The following OSBPL3 variants were observed in gnomAD, a reference collection of about 807,000 sequenced individuals.
OSBPL3 encodes the protein oxysterol binding protein like 3.
OSBPL3 carries 65 observed loss-of-function variants against 120.1 expected under a neutral mutation model. The ratio of observed to expected loss-of-function variants is 0.54; its 90% CI spans 0.44 to 0.67. OSBPL3 has a LOEUF of 0.67. OSBPL3 is among the 30% of genes least tolerant of loss of function. The pLI is 0.00. For missense variants in OSBPL3, 1,004 were observed against 1,082.1 expected (o/e 0.93, Z 1.01); for synonymous variants, 416 against 402.6 (o/e 1.03, Z -0.40).
chr7:24,811,521 C>G (rs956488703), intron 19 of OSBPL3, among the ~76,000 whole-genome samples: 3 of 152,102 alleles, frequency 2.0e-5, no homozygotes, highest in Non-Finnish European at 4.4e-5. Context: ...TCCCATTTGT[C>G]TATGTTTGCT....
rs140588109 is a variant in OSBPL3 at position 24,922,417 on chromosome 7, T to C, written c.-149-29796A>G. ...ACAATTCCCTCTCAGGGGAATTGTA[T>C]GGCTGAGTGACCAGCGTGGGAGGGA... is the stretch of plus-strand genomic sequence containing the variant. On this transcript the variant is annotated intron_variant, in intron 1 of 22. Transcript: ENST00000313367. The surrounding 1 kb of genome is among the most constrained non-coding windows in gnomAD (Gnocchi z 4.3). Among the ~76,000 whole-genome samples the C allele has an allele frequency of 8.7e-4, 133 of 152,244 alleles. 1 individual carries two copies. Among genetic ancestry groups the C allele is most frequent in the African/African-American group, 2.9e-3 (121 of 41,544 alleles).
chr7:24,850,004 A>T (rs1402819285), intron 11 of OSBPL3, among the ~76,000 whole-genome samples: 1 of 152,038 alleles, frequency 6.6e-6, no homozygotes, highest in Non-Finnish European at 1.5e-5. Context: ...GGACTTTGTG[A>T]AAGATTAATT....
chr7:24,814,393 C>T (rs1391900934), intron 19 of OSBPL3, among the ~76,000 whole-genome samples: 1 of 151,602 alleles, frequency 6.6e-6, no homozygotes, highest in Non-Finnish European at 1.5e-5. Context: ...AGGATGCAGG[C>T]TTCAACTCTG....
rs1280615046 is a variant in OSBPL3, at chr7:24,833,289, G to A, written c.1746+1197C>T. On this transcript the variant is annotated intron_variant, in intron 15 of 22. Coordinates refer to ENST00000313367, the MANE Select transcript of OSBPL3 (RefSeq NM_015550.4). This position sits in a 1 kb window ranked among gnomAD's most constrained non-coding sequence, Gnocchi z 4.4. ...AGGCCAGGGCAGGAGGGTTGCTTGA[G>A]TCTAGGAGTTCGAGGTTGCAGTGAG... is the stretch of plus-strand genomic sequence containing the variant. 1.3e-5 allele frequency among the ~76,000 whole-genome samples: 2 copies of A among 152,094 alleles called. No homozygotes were observed. Among genetic ancestry groups the A allele is most frequent in the Non-Finnish European group, 2.9e-5 (2 of 67,990 alleles).
At chr7:24,957,926 C>A (rs539008097) in intron 1 of OSBPL3, among the ~76,000 whole-genome samples, 2 of 152,168 alleles carry the variant, frequency 1.3e-5, no homozygotes, top group African/African-American at 4.8e-5. Flanking sequence ...TTCCATTTAA[C>A]AATAAATTTT....
chr7:24,811,845 C>A (rs1793839848), intron 19 of OSBPL3, among the ~76,000 whole-genome samples: 1 of 152,150 alleles, frequency 6.6e-6, no homozygotes, highest in South Asian at 2.1e-4. Context: ...CTATTCTGTT[C>A]CATTGGTCTA....
At position 24,946,371 on chromosome 7, in the gene OSBPL3, G is replaced by C. The variant is rs745523381; in HGVS notation, c.-150+33515C>G. Among the ~76,000 whole-genome samples, 6 of 152,072 alleles carry C rather than the reference G, an allele frequency of 3.9e-5. No individual in the cohort carries two copies. Among genetic ancestry groups the C allele is most frequent in the Non-Finnish European group, 8.8e-5 (6 of 68,012 alleles). ...GGTTGGAGCAGACACAAACCAACTCGTATTTAAGAGAAGGGTACACAGACC... is the reference window on the plus strand; with the variant it reads ...GGTTGGAGCAGACACAAACCAACTCCTATTTAAGAGAAGGGTACACAGACC... On this transcript the variant is annotated intron_variant, in intron 1 of 22. Coordinates refer to ENST00000313367, the MANE Select transcript of OSBPL3 (RefSeq NM_015550.4). The surrounding 1 kb of genome is among the most constrained non-coding windows in gnomAD (Gnocchi z 4.3).
At chr7:24,979,706 C>T (rs1251017506) in intron 1 of OSBPL3, among the ~76,000 whole-genome samples, 180 bp downstream of exon 1, 5 of 152,176 alleles carry the variant, frequency 3.3e-5, no homozygotes, top group Admixed American at 1.3e-4. Flanking sequence ...GAGCTGCAGC[C>T]GGCACCCAAG....
chr7:24,904,160 G>A (rs1356490037), intron 1 of OSBPL3, among the ~76,000 whole-genome samples: 1 of 152,264 alleles, frequency 6.6e-6, no homozygotes, highest in South Asian at 2.1e-4. Flanking sequence ...TGGGATTACA[G>A]GTGTGAGTCA....
At chr7:24,892,751 G>C in intron 1 of OSBPL3, 130 bp from the exon 2 acceptor site, 1 of 450,044 alleles carries the variant, frequency 2.2e-6, no homozygotes, top group Admixed American at 4.6e-5. Flanking sequence ...AGCAGGCGCC[G>C]AGAAGGAAAA....
chr7:24,907,069 T>C (rs1198555347), intron 1 of OSBPL3, among the ~76,000 whole-genome samples: 3 of 152,156 alleles, frequency 2.0e-5, no homozygotes, highest in East Asian at 3.8e-4. Context: ...CCCAGTAGTG[T>C]AGATTCTCTC....
rs147054236 is a variant in OSBPL3 at position 24,808,975 on chromosome 7, G to A, written c.2317+832C>T. 3.3e-5 allele frequency among the ~76,000 whole-genome samples: 5 copies of A among 152,220 alleles called. No individual in the cohort carries two copies. The highest frequency in any genetic ancestry group is 1.3e-4 in the Admixed American group (2 of 15,290). On this transcript the variant is annotated intron_variant, in intron 20 of 22. Coordinates refer to ENST00000313367, the MANE Select transcript of OSBPL3 (RefSeq NM_015550.4). This position sits in a 1 kb window ranked among gnomAD's most constrained non-coding sequence, Gnocchi z 4.6. Reference sequence around the variant, plus strand: ...TAACAACCATTTTGCATTCATTAGGGGAAACACCACGGCACACTGGGAGTA... The same window carrying A: ...TAACAACCATTTTGCATTCATTAGGAGAAACACCACGGCACACTGGGAGTA...
Position 24,820,339 on chromosome 7 carries a change from G to T in OSBPL3, c.1885-101C>A. The T allele has an allele frequency of 1.2e-6, 1 of 859,836 alleles. No individual in the cohort carries two copies. Among genetic ancestry groups the T allele is most frequent in the Non-Finnish European group, 1.9e-6 (1 of 528,614 alleles). The allele number at this position is 859,836 out of a possible 1,614,324, so 53.3% of individuals were successfully genotyped here. A position where few individuals can be genotyped will look rare whatever the true frequency, so the allele number is the denominator to read the frequency against. Reference sequence around the variant, plus strand: ...GCACTGAGATGTAACAGCGTGCAATGCTGAACTGAAGGAAAAACTTCTTTA... The same window carrying T: ...GCACTGAGATGTAACAGCGTGCAATTCTGAACTGAAGGAAAAACTTCTTTA... On this transcript the variant is annotated intron_variant, in intron 16 of 22. Transcript: ENST00000313367. This position sits in a 1 kb window ranked among gnomAD's most constrained non-coding sequence, Gnocchi z 4.6.
intron 1 of OSBPL3, among the ~76,000 whole-genome samples, chr7:24,919,943 A>G (rs1810185119): frequency 1.3e-5 from 2 of 152,126 alleles, no homozygotes; most frequent in South Asian, 4.1e-4. Context: ...GGAAATGCAA[A>G]TCAAAACCAC....
intron 1 of OSBPL3, among the ~76,000 whole-genome samples, chr7:24,979,374 C>T (rs548466726): frequency 1.2e-3 from 176 of 152,262 alleles, no homozygotes; most frequent in African/African-American, 3.8e-3. Context: ...GGCCTCCAGC[C>T]CAGCACCGGG....
At position 24,833,492 on chromosome 7, in the gene OSBPL3, T is replaced by C. The variant is rs1290563888; in HGVS notation, c.1746+994A>G. Among the ~76,000 whole-genome samples the C allele has an allele frequency of 6.6e-6, 1 of 152,208 alleles. No homozygotes were observed. Among genetic ancestry groups the C allele is most frequent in the Non-Finnish European group, 1.5e-5 (1 of 68,040 alleles). ...AATCATTGAAGTAATGATGTTTTAA[T>C]GAGCGCTAGAACTGCAGAATGCTTA... On this transcript the variant is annotated intron_variant, in intron 15 of 22. Coordinates refer to ENST00000313367, the MANE Select transcript of OSBPL3 (RefSeq NM_015550.4). The surrounding 1 kb of genome is among the most constrained non-coding windows in gnomAD (Gnocchi z 4.4).
At chr7:24,880,734 AAGGACC>A (rs761657949) in intron 2 of OSBPL3, among the ~76,000 whole-genome samples, 2 of 152,150 alleles carry the variant, frequency 1.3e-5, no homozygotes, top group Non-Finnish European at 2.9e-5. Context: ...AGGGGCTTTT[AAGGACC>A]AGGACCCAGG....
At chr7:24,911,286 C>G (rs767483250) in intron 1 of OSBPL3, among the ~76,000 whole-genome samples, 1 of 152,182 alleles carries the variant, frequency 6.6e-6, no homozygotes, top group African/African-American at 2.4e-5. Flanking sequence ...GGTGTTATTA[C>G]GCTCCCTTAA....
At chr7:24,951,316 G>A (rs1054124607) in intron 1 of OSBPL3, among the ~76,000 whole-genome samples, 1 of 152,030 alleles carries the variant, frequency 6.6e-6, no homozygotes, top group African/African-American at 2.4e-5. Context: ...GCAACTCCTT[G>A]CTCAAGTAAA....
Sources: gnomAD v4.1 joint callset for allele counts (sites outside exome capture counted in the v4.1 genomes callset) on GRCh38, gnomAD v4.1.1 for gene constraint, Gnocchi (gnomAD v3.1) non-coding constraint, MANE v1.5 for transcripts, NCBI Gene and HGNC (gene_info 2026-07-23, HGNC 2026-07-21) for gene names.